Variants in SDAD1 observed in about 807,000 individuals in gnomAD.
SDAD1 encodes protein SDA1 homolog.
A neutral mutation model predicts 100.3 loss-of-function variants in SDAD1; 79 were observed. The ratio of observed to expected loss-of-function variants is 0.79; its 90% confidence interval spans 0.66 to 0.95. The LOEUF (loss-of-function observed/expected upper bound fraction) is 0.95. Among genes scored for constraint, SDAD1 ranks in the 40% least tolerant of loss-of-function variants. SDAD1 has a pLI of 0.00. For synonymous variants in SDAD1, 267 were observed against 271.4 expected (o/e 0.98, Z 0.16); for missense variants, 790 against 810.9 (o/e 0.97, Z 0.31).
intron 13 of SDAD1, 63 bp from the exon 14 acceptor site, chr4:75,964,274 A>C: frequency 9.3e-7 from 1 of 1,070,920 alleles, no homozygotes; most frequent in Non-Finnish European, 1.4e-6. Context: ...AACACATAAG[A>C]ATGAAAGGAC....
chr4:75,981,533 C>T, intron 2 of SDAD1, 63 bp from the exon 3 acceptor site: 1 of 1,605,848 alleles, frequency 6.2e-7, no homozygotes, highest in Non-Finnish European at 8.5e-7. Context: ...CAGATGCATA[C>T]ATTTAGGATG....
At chr4:75,963,332 A>G (rs191112713) in intron 14 of SDAD1, among the ~76,000 whole-genome samples, 2 of 152,060 alleles carry the variant, frequency 1.3e-5, no homozygotes, top group Admixed American at 1.3e-4. Flanking sequence ...GCGTGACTCC[A>G]GCTTTGTTCT....
intron 2 of SDAD1, 97 bp from the exon 3 acceptor site, chr4:75,981,567 CTA>C: frequency 6.4e-7 from 1 of 1,569,680 alleles, no homozygotes; most frequent in Non-Finnish European, 8.6e-7. Flanking sequence ...GAGTAAAAGG[CTA>C]TGTTTCATAG....
At chr4:75,965,541 G>T (rs950777974) in intron 13 of SDAD1, among the ~76,000 whole-genome samples, 14 of 152,044 alleles carry the variant, frequency 9.2e-5, no homozygotes, top group Admixed American at 3.3e-4. Context: ...AGCTTGTGGG[G>T]CATCACAGAA....
chr4:75,977,766 GAAA>G lies in SDAD1; in HGVS notation c.295-13_295-11del. ...AAGCTTTGCAAAATGTCTCGGGAAGGAAAAAAACATACCATAAGACAATGGTAA... is the reference window on the plus strand; with the variant it reads ...AAGCTTTGCAAAATGTCTCGGGAAGGAAAACATACCATAAGACAATGGTAA... On this transcript the variant is annotated splice_polypyrimidine_tract_variant and intron_variant, in intron 3 of 21. Transcript: ENST00000356260. 2.0e-6 allele frequency: 3 copies of G among 1,513,334 alleles called. No homozygotes were observed. Among genetic ancestry groups the G allele is most frequent in the Non-Finnish European group, 2.7e-6 (3 of 1,094,646 alleles). The allele number at this position is 1,513,334 out of a possible 1,614,324, so 93.7% of individuals were successfully genotyped here. A position where few individuals can be genotyped will look rare whatever the true frequency, so the allele number is the denominator to read the frequency against.
rs749256305 is a variant in SDAD1 at position 75,960,233 on chromosome 4, A to AT, written c.1357-42dup. The AT allele has an allele frequency of 1.4e-5, 21 of 1,502,044 alleles. No homozygotes were observed. In the African/African-American group the frequency reaches 2.4e-4, roughly 17 times the overall value. 93.0% of individuals were successfully genotyped at this position (1,502,044 alleles called of 1,614,324 possible). On this transcript the variant is annotated intron_variant, in intron 16 of 21. Transcript: ENST00000356260. The stretch of plus-strand genomic sequence containing the variant: ...TTGTTTGTAATAAGTTGCTTAGATC[A>AT]TAAAACCTTAATCATGAAAGGTAGT...
At chr4:75,963,273 C>G (rs1007253246) in intron 14 of SDAD1, among the ~76,000 whole-genome samples, 2 of 151,880 alleles carry the variant, frequency 1.3e-5, no homozygotes, top group Non-Finnish European at 2.9e-5. Flanking sequence ...GTACCAGTAC[C>G]ATGCTGTTTT....
At chr4:75,989,747 C>T (rs548388804) in intron 1 of SDAD1, among the ~76,000 whole-genome samples, 2 of 152,176 alleles carry the variant, frequency 1.3e-5, no homozygotes, top group Non-Finnish European at 2.9e-5. Flanking sequence ...ACTTCTTGTA[C>T]TTGTTTCCTA....
At chr4:75,969,030 C>CAAAAAAAA (rs35570189) in intron 11 of SDAD1, among the ~76,000 whole-genome samples, 3 of 63,998 alleles carry the variant, frequency 4.7e-5, no homozygotes, top group African/African-American at 1.5e-4. Context: ...GACTCTGTCT[C>CAAAAAAAA]AAAAAAAAAA....
At position 75,961,231 on chromosome 4, in the gene SDAD1, T is replaced by C; in HGVS notation, c.1259A>G (p.Tyr420Cys). Reference sequence around the variant, plus strand: ...CTTACTCTTATCCTTGTGTGTTTTATACTGAGCCAGGTCTTGGAGAAGTTC... The same window carrying C: ...CTTACTCTTATCCTTGTGTGTTTTACACTGAGCCAGGTCTTGGAGAAGTTC... The part of the protein sequence containing the change: ...TEELLQDLAQ[Y>C]KTHKDKNVMM... The change falls in exon 15 of 22, where the codon TAT becomes TGT. Residue 420 changes from tyrosine to cysteine, a missense_variant. By Grantham distance (194) the Tyr-to-Cys change is radical. Transcript: ENST00000356260. 1.9e-6 allele frequency: 3 copies of C among 1,614,068 alleles called. No individual in the cohort carries two copies. Among genetic ancestry groups the C allele is most frequent in the Non-Finnish European group, 2.5e-6 (3 of 1,179,926 alleles).
Position 75,973,308 on chromosome 4 carries a change from T to C in SDAD1, c.711+9A>G, listed in dbSNP as rs1322990448. The C allele has an allele frequency of 6.2e-7, 1 of 1,608,090 alleles. No homozygotes were observed. The highest frequency in any genetic ancestry group is 1.7e-5 in the Admixed American group (1 of 59,992). On this transcript the variant is annotated intron_variant, in intron 8 of 21. Coordinates refer to ENST00000356260, the MANE Select transcript of SDAD1 (RefSeq NM_018115.4). Reference sequence around the variant, plus strand: ...GGTAAGATTCAGAAGCAGCTATGATTAAACTAACCTCAGATTCGGAGTCAC... The same window carrying C: ...GGTAAGATTCAGAAGCAGCTATGATCAAACTAACCTCAGATTCGGAGTCAC...
intron 14 of SDAD1, among the ~76,000 whole-genome samples, chr4:75,963,662 A>G (rs1245958746): frequency 6.6e-6 from 1 of 152,108 alleles, no homozygotes; most frequent in African/African-American, 2.4e-5. Context: ...CCAGTGAGTT[A>G]TAAAAAAGTG....
At chr4:75,984,095 T>C (rs1730720975) in intron 1 of SDAD1, among the ~76,000 whole-genome samples, 1 of 152,056 alleles carries the variant, frequency 6.6e-6, no homozygotes, top group South Asian at 2.1e-4. Flanking sequence ...ATCAGGTGGT[T>C]GTAGATGTGT....
At chr4:75,951,582 A>G (rs1728631295) in intron 21 of SDAD1, among the ~76,000 whole-genome samples, 1 of 152,212 alleles carries the variant, frequency 6.6e-6, no homozygotes, top group Non-Finnish European at 1.5e-5. Context: ...CTAGGCTTTC[A>G]TCTCCTGGAG....
At chr4:75,984,019 T>A (rs1421862943) in intron 1 of SDAD1, among the ~76,000 whole-genome samples, 1 of 152,160 alleles carries the variant, frequency 6.6e-6, no homozygotes, top group Non-Finnish European at 1.5e-5. Flanking sequence ...TAGCCAGTTT[T>A]CCCAACACGT....
intron 1 of SDAD1, among the ~76,000 whole-genome samples, chr4:75,983,469 T>G (rs1730673277): frequency 6.6e-6 from 1 of 152,242 alleles, no homozygotes; most frequent in Admixed American, 6.5e-5. Flanking sequence ...TTCCTGACTT[T>G]TTAATGATTG....
intron 21 of SDAD1, among the ~76,000 whole-genome samples, 157 bp from the exon 22 acceptor site, chr4:75,950,954 T>A (rs529497320): frequency 2.2e-4 from 33 of 152,268 alleles, no homozygotes; most frequent in Non-Finnish European, 4.3e-4. Flanking sequence ...CACATCTGAA[T>A]CGAGGATGGG....
In SDAD1 at chr4:75,960,445, A is replaced by G. The variant is rs375672524; in HGVS notation, c.1357-253T>C. ...GCACGCACCACCACACCCAGCTAAC[A>G]AAATTATGAATTTAAAAGGGAGCAC... On this transcript the variant is annotated intron_variant, in intron 16 of 21. Coordinates refer to ENST00000356260, the MANE Select transcript of SDAD1 (RefSeq NM_018115.4). 9.2e-5 allele frequency among the ~76,000 whole-genome samples: 14 copies of G among 152,176 alleles called. 1 individual carries two copies. Among genetic ancestry groups the G allele is most frequent in the African/African-American group, 3.4e-4 (14 of 41,526 alleles).
intron 9 of SDAD1, 85 bp from the exon 10 acceptor site, chr4:75,970,463 G>A (rs1399539113): frequency 1.0e-6 from 1 of 990,272 alleles, no homozygotes; most frequent in African/African-American, 1.6e-5. Context: ...GCTGTTATAA[G>A]TCCATTAGAC....
Sources: allele counts gnomAD v4.1 joint callset (sites outside exome capture counted in the v4.1 genomes callset), GRCh38; gene constraint gnomAD v4.1.1; transcripts MANE v1.5; gene names NCBI Gene and HGNC (gene_info 2026-07-23, HGNC 2026-07-21).